Variants in TENM4 observed in about 807,000 individuals in gnomAD.
TENM4 encodes teneurin-4.
Under a neutral mutation model 243.3 loss-of-function variants are expected in TENM4, and 82 were observed. The ratio of observed to expected loss-of-function variants is 0.34; its 90% CI spans 0.28 to 0.40. TENM4 has a LOEUF of 0.40. Ranked by LOEUF, TENM4 falls within the 10% of genes least tolerant of loss-of-function variation. TENM4 has a pLI of 1.00. For missense variants in TENM4, 3,138 were observed against 3,673.3 expected (o/e 0.85, Z 3.77); for synonymous variants, 1,412 against 1,456.3 (o/e 0.97, Z 0.69).
intron 7 of TENM4, among the ~76,000 whole-genome samples, chr11:78,897,118 C>T (rs1855816832): frequency 6.6e-6 from 1 of 152,020 alleles, no homozygotes; most frequent in African/African-American, 2.4e-5. Flanking sequence ...CAGGGGGTGC[C>T]GACATGAGCA....
At chr11:79,086,226 G>C (rs182965389) in intron 4 of TENM4, among the ~76,000 whole-genome samples, 14 of 152,312 alleles carry the variant, frequency 9.2e-5, no homozygotes, top group African/African-American at 2.9e-4. Flanking sequence ...TTCTCCCCCT[G>C]CTTTTGGAAA....
chr11:79,007,144 A>G (rs1858505952), intron 6 of TENM4, among the ~76,000 whole-genome samples: 1 of 152,232 alleles, frequency 6.6e-6, no homozygotes, highest in South Asian at 2.1e-4. Context: ...ATTCTTTAAA[A>G]TAAGCCTCTT....
intron 3 of TENM4, among the ~76,000 whole-genome samples, chr11:79,179,279 T>C (rs541571404): frequency 1.3e-5 from 2 of 152,300 alleles, no homozygotes; most frequent in Non-Finnish European, 2.9e-5. Flanking sequence ...AGGTCAGAAG[T>C]CTGCAAACTG....
At chr11:79,202,524 G>A (rs1163376560) in intron 3 of TENM4, among the ~76,000 whole-genome samples, 1 of 152,204 alleles carries the variant, frequency 6.6e-6, no homozygotes, top group African/African-American at 2.4e-5. Flanking sequence ...GACCCGATTT[G>A]AAGCTTCTTA....
intron 6 of TENM4, among the ~76,000 whole-genome samples, chr11:78,985,645 G>T (rs1857900193): frequency 6.6e-6 from 1 of 152,100 alleles, no homozygotes; most frequent in South Asian, 2.1e-4. Context: ...GATTGGTAGG[G>T]CTTTCTGTAC....
intron 19 of TENM4, among the ~76,000 whole-genome samples, chr11:78,745,049 C>T (rs1445398347): frequency 6.6e-6 from 1 of 152,028 alleles, no homozygotes; most frequent in African/African-American, 2.4e-5. Context: ...TTGCAAGAAA[C>T]CTTTAAAGCC....
At chr11:79,045,031 C>A (rs765097724) in intron 6 of TENM4, among the ~76,000 whole-genome samples, 3 of 152,192 alleles carry the variant, frequency 2.0e-5, no homozygotes, top group Non-Finnish European at 4.4e-5. Flanking sequence ...ACCCTCGTGA[C>A]TACCTGGTTC....
At chr11:79,001,826 T>C (rs2136705903) in intron 6 of TENM4, among the ~76,000 whole-genome samples, 1 of 152,256 alleles carries the variant, frequency 6.6e-6, no homozygotes, top group South Asian at 2.1e-4. Flanking sequence ...CTGGGGGCTC[T>C]CACCATAGCT....
intron 2 of TENM4, among the ~76,000 whole-genome samples, chr11:79,265,409 A>C (rs1320140963): frequency 4.6e-5 from 7 of 152,226 alleles, no homozygotes; most frequent in African/African-American, 1.7e-4. Flanking sequence ...CCAAAGTGTA[A>C]AATACATATC....
At chr11:79,137,382 TATTACTCTGCCCTGTG>T (rs1376644661) in intron 4 of TENM4, among the ~76,000 whole-genome samples, 36 of 152,136 alleles carry the variant, frequency 2.4e-4, no homozygotes, top group African/African-American at 8.7e-4. Context: ...CATCTCTTAG[TATTACTCTGCCCTGTG>T]ATTAAGGTCA....
intron 9 of TENM4, among the ~76,000 whole-genome samples, chr11:78,873,434 C>G (rs1313449347): frequency 6.6e-6 from 1 of 152,172 alleles, no homozygotes; most frequent in African/African-American, 2.4e-5. Context: ...ATTGTTATTA[C>G]TCTCATTTGT....
At chr11:79,019,664 T>C (rs1238775074) in intron 6 of TENM4, among the ~76,000 whole-genome samples, 2 of 152,252 alleles carry the variant, frequency 1.3e-5, no homozygotes, top group African/African-American at 4.8e-5. Context: ...CTATACCATG[T>C]ACAGGCTCTG....
At chr11:78,725,644 C>T (rs1855493571) in intron 23 of TENM4, among the ~76,000 whole-genome samples, 2 of 152,346 alleles carry the variant, frequency 1.3e-5, no homozygotes, top group African/African-American at 4.8e-5. Flanking sequence ...ACTGTACCTT[C>T]TGCCTAAAAT....
intron 2 of TENM4, among the ~76,000 whole-genome samples, chr11:79,247,395 CA>C (rs1189814053): frequency 7.9e-5 from 10 of 126,776 alleles, no homozygotes; most frequent in Non-Finnish European, 1.3e-4. Context: ...CCAGCCTGCC[CA>C]AAAGAGTGAG....
chr11:79,400,145 A>ACACACC (rs1333144765), intron 1 of TENM4, among the ~76,000 whole-genome samples: 23 of 130,704 alleles, frequency 1.8e-4, no homozygotes, highest in East Asian at 4.5e-4. Flanking sequence ...ACACACACAC[A>ACACACC]CCCTCCAGGA....
chr11:79,144,853 T>G (rs1249611094), intron 4 of TENM4, among the ~76,000 whole-genome samples: 1 of 151,940 alleles, frequency 6.6e-6, no homozygotes, highest in African/African-American at 2.4e-5. Flanking sequence ...TAAATAAAAT[T>G]TAGTATTTGA....
At chr11:79,204,320 T>C (rs775155723) in intron 3 of TENM4, among the ~76,000 whole-genome samples, 14 of 152,318 alleles carry the variant, frequency 9.2e-5, no homozygotes, top group Non-Finnish European at 2.1e-4. Flanking sequence ...TGGTTACATA[T>C]TTAAAAAGAA....
intron 19 of TENM4, among the ~76,000 whole-genome samples, chr11:78,746,338 TGAG>T (rs980675529): frequency 2.6e-5 from 4 of 152,242 alleles, no homozygotes; most frequent in African/African-American, 9.6e-5. Context: ...TTCAGGGACC[TGAG>T]GCTGTGCTTC....
At position 79,293,508 on chromosome 11, in the gene TENM4, T is replaced by TA. The variant is rs1328098270; in HGVS notation, c.-265+3979dup. Among the ~76,000 whole-genome samples the TA allele has an allele frequency of 3.5e-4, 38 of 108,960 alleles. No individual in the cohort carries two copies. In the South Asian group the frequency reaches 5.0e-3, roughly 14 times the overall value. 71.5% of individuals were successfully genotyped at this position (108,960 alleles called of 152,430 possible). A position where few individuals can be genotyped will look rare whatever the true frequency, so the allele number is the denominator to read the frequency against. On this transcript the variant is annotated intron_variant, in intron 2 of 33. Transcript: ENST00000278550. ...GGTGACAGAGCAAAACACTGTCCCT[T>TA]AAAAAAAAAAAAGAAAAAAAAAAAG...
Sources: allele counts gnomAD v4.1 joint callset (sites outside exome capture counted in the v4.1 genomes callset), GRCh38; gene constraint gnomAD v4.1.1; transcripts MANE v1.5; gene names NCBI Gene and HGNC (gene_info 2026-07-23, HGNC 2026-07-21).